Variants in TASOR2 observed in about 807,000 individuals in gnomAD.
The protein encoded by TASOR2 is protein TASOR 2.
Under a neutral mutation model 199.5 loss-of-function variants are expected in TASOR2, and 84 were observed. That is an observed-to-expected ratio of 0.42 (90% CI 0.35 to 0.50). The LOEUF is 0.50. Ranked by LOEUF, TASOR2 falls within the 20% of genes least tolerant of loss-of-function variation. The probability of loss-of-function intolerance (pLI) is 0.02; values close to 1 mark genes in which losing one functional copy is unlikely to be tolerated. For missense variants in TASOR2, 2,796 were observed against 2,835.9 expected (o/e 0.99, Z 0.32); for synonymous variants, 1,103 against 1,046.6 (o/e 1.05, Z -1.04).
chr10:5,720,189 C>G lies in TASOR2; in HGVS notation c.-99-355C>G. 1 of 874,372 alleles carries G rather than the reference C, an allele frequency of 1.1e-6. No homozygotes were observed. The highest frequency in any genetic ancestry group is 5.3e-5 in the South Asian group (1 of 18,994). The allele number at this position is 874,372 out of a possible 1,614,324, so 54.2% of individuals were successfully genotyped here. On this transcript the variant is annotated intron_variant, in intron 3 of 20. Coordinates refer to ENST00000328090, the Ensembl canonical transcript of TASOR2. The surrounding 1 kb of genome is among the most constrained non-coding windows in gnomAD (Gnocchi z 5.3). The stretch of plus-strand genomic sequence containing the variant: ...TATCTGCATCCTTGTTAGACTACTT[C>G]TAAATGAATCCTAGAGTAAAGGTTA...
intron 11 of TASOR2, among the ~76,000 whole-genome samples, chr10:5,731,844 A>G (rs911265462): frequency 6.6e-6 from 1 of 152,254 alleles, no homozygotes; most frequent in Admixed American, 6.5e-5. Context: ...ATGGAGGTAG[A>G]AAAGGTTCTT....
chr10:5,744,192 G>A (rs1330064437), intron 14 of TASOR2: 1 of 152,176 alleles, frequency 6.6e-6, no homozygotes, highest in Non-Finnish European at 1.5e-5. Flanking sequence ...ATGATTGGGA[G>A]GGCCATTAAA....
chr10:5,705,918 G>A (rs763053632), intron 1 of TASOR2, among the ~76,000 whole-genome samples: 71 of 152,026 alleles, frequency 4.7e-4, no homozygotes, highest in Non-Finnish European at 4.1e-4. Flanking sequence ...CTAATTTTGT[G>A]CCCTATGAAA....
rs903244170 is a variant in TASOR2 at position 5,730,545 on chromosome 10, T to C, written c.546T>C (p.Ser182=). The change falls in exon 11 of 21, where the codon TCT becomes TCC. Residue 182 remains serine, a synonymous_variant. Coordinates refer to ENST00000328090, the Ensembl canonical transcript of TASOR2. The surrounding 1 kb of genome is among the most constrained non-coding windows in gnomAD (Gnocchi z 4.1). ...CAATGAAGGTGATACCTATTTTATCTACCCTTAATTGTGCCCTGCTAGAAA... is the reference window on the plus strand; with the variant it reads ...CAATGAAGGTGATACCTATTTTATCCACCCTTAATTGTGCCCTGCTAGAAA... 94 of 1,613,080 alleles carry C rather than the reference T, an allele frequency of 5.8e-5. No individual in the cohort carries two copies. The highest frequency in any genetic ancestry group is 7.5e-5 in the Non-Finnish European group (89 of 1,179,736).
intron 1 of TASOR2, among the ~76,000 whole-genome samples, chr10:5,704,048 A>AC (rs1156854615): frequency 2.0e-5 from 3 of 150,946 alleles, no homozygotes; most frequent in African/African-American, 7.3e-5. Flanking sequence ...AGATGGTGAA[A>AC]CCCCATCTCT....
Position 5,694,048 on chromosome 10 carries a change from G to A in TASOR2, c.-288+8873G>A, listed in dbSNP as rs184922407. On this transcript the variant is annotated intron_variant, in intron 1 of 20. Coordinates refer to ENST00000328090, the Ensembl canonical transcript of TASOR2. ...ATCTGAGTGGATGACTTAAATAGAT[G>A]TCACTAAAGGAACAGAAAGAGCTCA... 1.4e-3 allele frequency among the ~76,000 whole-genome samples: 219 copies of A among 152,002 alleles called. 2 individuals are homozygous for A. The highest frequency in any genetic ancestry group is 4.5e-3 in the African/African-American group (186 of 41,452).
rs1423163503 is a variant in TASOR2, at chr10:5,685,369, A to G, written c.-288+194A>G. 1.3e-5 allele frequency among the ~76,000 whole-genome samples: 2 copies of G among 151,488 alleles called. No individual in the cohort carries two copies. Among genetic ancestry groups the G allele is most frequent in the Non-Finnish European group, 2.9e-5 (2 of 67,882 alleles). ...ATGACTCAACCTTCTGTCCTGCGCT[A>G]CAACCTGTGGCCGCGCTCGGTGTCG... On this transcript the variant is annotated intron_variant, in intron 1 of 20. Transcript: ENST00000328090. This position sits in a 1 kb window ranked among gnomAD's most constrained non-coding sequence, Gnocchi z 5.4.
chr10:5,718,049 G>GT (rs1194198279), intron 3 of TASOR2, among the ~76,000 whole-genome samples: 2 of 152,060 alleles, frequency 1.3e-5, no homozygotes, highest in Non-Finnish European at 2.9e-5. Flanking sequence ...TGCTTATAAG[G>GT]TGATGTGATT....
chr10:5,718,407 AAC>A (rs1832913320), intron 3 of TASOR2, among the ~76,000 whole-genome samples: 1 of 150,936 alleles, frequency 6.6e-6, no homozygotes, highest in Non-Finnish European at 1.5e-5. Context: ...AAAAAAAAAA[AAC>A]AAGAGCCTGT....
rs142233314 is a variant in TASOR2 at position 5,727,025 on chromosome 10, C to T, written c.425-36C>T. 1.1e-5 allele frequency: 17 copies of T among 1,613,542 alleles called. No individual in the cohort carries two copies. The African/African-American group carries it at 1.7e-4, about 16-fold the overall frequency. On this transcript the variant is annotated intron_variant, in intron 9 of 20. Coordinates refer to ENST00000328090, the Ensembl canonical transcript of TASOR2. ...TACTTTTGCTTTATAAGATCAACAA[C>T]CTAACTTTTCTTCTTCTGATTCTCA...
exon 15 of TASOR2, chr10:5,746,376 C>G (rs1381983818): frequency 1.2e-6 from 2 of 1,614,002 alleles, no homozygotes; most frequent in African/African-American, 1.3e-5. Context: ...ATGGGCCTGG[C>G]AGTCAGCCAG....
At chr10:5,753,316 TTC>T (rs1262111812) in intron 15 of TASOR2, among the ~76,000 whole-genome samples, 1 of 152,182 alleles carries the variant, frequency 6.6e-6, no homozygotes, top group Admixed American at 6.5e-5. Context: ...CCTAATTGTA[TTC>T]TTTTTCCCTG....
intron 18 of TASOR2, among the ~76,000 whole-genome samples, chr10:5,759,770 A>G (rs907179851): frequency 5.9e-5 from 9 of 152,268 alleles, no homozygotes; most frequent in African/African-American, 1.9e-4. Context: ...GAGGAACAGA[A>G]TCTCAGAAAG....
rs1174708039 is a variant in TASOR2, at chr10:5,701,830, ATTTG to A, written c.-287-10989_-287-10986del. Among the ~76,000 whole-genome samples, 4 of 152,150 alleles carry A rather than the reference ATTTG, an allele frequency of 2.6e-5. No individual in the cohort carries two copies. Among genetic ancestry groups the A allele is most frequent in the Non-Finnish European group, 5.9e-5 (4 of 67,990 alleles). ...ATTTTGTATCCTGCAACTTTACTGA[ATTTG>A]TTTATCAGTTCTAACAATTTTTTTG... On this transcript the variant is annotated intron_variant, in intron 1 of 20. Transcript: ENST00000328090. This position sits in a 1 kb window ranked among gnomAD's most constrained non-coding sequence, Gnocchi z 4.9.
exon 15 of TASOR2, chr10:5,749,698 A>C: frequency 6.2e-7 from 1 of 1,614,186 alleles, no homozygotes; most frequent in South Asian, 1.1e-5. Context: ...ATTCCACCTC[A>C]ACAAACTGAA....
At chr10:5,686,740 T>C (rs1835856705) in intron 1 of TASOR2, among the ~76,000 whole-genome samples, 1 of 152,388 alleles carries the variant, frequency 6.6e-6, no homozygotes, top group Non-Finnish European at 1.5e-5. Context: ...TTTTAATTTT[T>C]ATCTTCCTTG....
chr10:5,763,195 A>G (rs371421725), exon 21 of TASOR2: 2 of 623,888 alleles, frequency 3.2e-6, no homozygotes, highest in South Asian at 2.4e-5. Flanking sequence ...TTGCTGAAAT[A>G]TGTCACAGTG....
chr10:5,723,043 CTTTTTTTTTTTTT>C (rs1183983010), intron 6 of TASOR2, among the ~76,000 whole-genome samples: 5 of 72,896 alleles, frequency 6.9e-5, no homozygotes, highest in South Asian at 7.5e-4. Context: ...CAGGAAATAA[CTTTTTTTTTTTTT>C]TTTTTTTTTT....
In TASOR2 at chr10:5,755,000, C is replaced by CTT. The variant is rs1838699019; in HGVS notation, c.6607-1613_6607-1612insTT. ...GGCAGAGCTTGCAGTGAGCCGAGAT[C>CTT]GCGCCACTGCACTCCAGCCTGGGCA... On this transcript the variant is annotated intron_variant, in intron 15 of 20. Transcript: ENST00000328090. This position sits in a 1 kb window ranked among gnomAD's most constrained non-coding sequence, Gnocchi z 4.3. Among the ~76,000 whole-genome samples, 3 of 140,244 alleles carry CTT rather than the reference C, an allele frequency of 2.1e-5. No individual in the cohort carries two copies. In the South Asian group the frequency reaches 6.8e-4, roughly 32 times the overall value. 92.0% of individuals were successfully genotyped at this position (140,244 alleles called of 152,430 possible). A position where few individuals can be genotyped will look rare whatever the true frequency, so the allele number is the denominator to read the frequency against.
Sources: gnomAD v4.1 joint callset for allele counts (sites outside exome capture counted in the v4.1 genomes callset) on GRCh38, gnomAD v4.1.1 for gene constraint, Gnocchi (gnomAD v3.1) non-coding constraint, MANE v1.5 for transcripts, NCBI Gene and HGNC (gene_info 2026-07-23, HGNC 2026-07-21) for gene names.